ANK3: variants seen among roughly 807,000 people sequenced by gnomAD.
ANK3 encodes the protein ankyrin 3.
ANK3 carries 57 observed loss-of-function variants against 370.9 expected under a neutral mutation model. The observed-to-expected ratio is 0.15, with a 90% CI of 0.12 to 0.19. The LOEUF (loss-of-function observed/expected upper bound fraction) is 0.19, where lower values mean the gene tolerates loss of function less well. Ranked by LOEUF, ANK3 falls within the 10% of genes least tolerant of loss-of-function variation. The pLI, the probability that ANK3 is intolerant of heterozygous loss-of-function variation, is 1.00. For missense variants in ANK3, 4,439 were observed against 5,302.1 expected (o/e 0.84, Z 5.06); for synonymous variants, 1,929 against 1,946.3 (o/e 0.99, Z 0.23).
At chr10:60,594,806 G>A (rs2077964692) in intron 2 of ANK3, among the ~76,000 whole-genome samples, 1 of 151,968 alleles carries the variant, frequency 6.6e-6, no homozygotes, top group South Asian at 2.1e-4. Flanking sequence ...ACTATGATGA[G>A]GTCTTTGAGA....
In ANK3 at chr10:60,070,265, C is replaced by A. The variant is rs1405442377; in HGVS notation, c.10616G>T (p.Gly3539Val). The change falls in exon 37 of 44, where the codon GGT (glycine) becomes GTT (valine). Residue 3539 changes from glycine to valine, a missense_variant. By Grantham distance (109) the Gly-to-Val change is moderately radical. Around this residue, in one of 13 missense-constraint regions of ANK3, gnomAD observed 1,601 missense variants for 1,731.7 expected, o/e 0.92. Transcript: ENST00000280772. The surrounding 1 kb of genome is among the most constrained non-coding windows in gnomAD (Gnocchi z 5.7). ...ATPFKTVATK[G>V]LDFDPWSNNR... is the part of the protein sequence containing the mutation. ...ATTAGACCAAGGGTCAAAATCTAGA[C>A]CTTTGGTAGCTACTGTTTTAAAAGG... is the stretch of plus-strand genomic sequence containing the variant. The A allele has an allele frequency of 1.2e-6, 2 of 1,614,048 alleles. No homozygotes were observed. Among genetic ancestry groups the A allele is most frequent in the South Asian group, 2.2e-5 (2 of 91,072 alleles).
At chr10:60,647,060 T>C (rs1417925408) in intron 1 of ANK3, among the ~76,000 whole-genome samples, 1 of 152,176 alleles carries the variant, frequency 6.6e-6, no homozygotes, top group Non-Finnish European at 1.5e-5. Flanking sequence ...ACAATAACAA[T>C]AACATATTTG....
intron 26 of ANK3, 140 bp from the exon 27 acceptor site, chr10:60,109,194 A>G (rs2092477215): frequency 2.9e-6 from 2 of 685,672 alleles, no homozygotes; most frequent in Non-Finnish European, 4.8e-6. Flanking sequence ...TCAGAAGTCA[A>G]TACAGTGGAG....
chr10:60,069,034 C>A lies in ANK3; in HGVS notation c.11847G>T (p.Lys3949Asn). 1 of 1,614,004 alleles carries A rather than the reference C, an allele frequency of 6.2e-7. No homozygotes were observed. The highest frequency in any genetic ancestry group is 8.5e-7 in the Non-Finnish European group (1 of 1,179,962). ...AGGTGGATCTTACCTTTACTGGCAA[C>A]TTGGATGGAAGCTGTTTGGCCTTGC... is the stretch of plus-strand genomic sequence containing the variant. Reference protein sequence around the residue: ...EKGKAKQLPSKLPVKVRSTCV... With the variant: ...EKGKAKQLPSNLPVKVRSTCV... Residue 3949 changes from lysine (K) to asparagine (N), a missense_variant, in exon 37 of 44, where the codon AAG (lysine) becomes AAT (asparagine). Lys to Asn is a moderately conservative substitution (Grantham distance 94, BLOSUM62 0). Around this residue, in one of 13 missense-constraint regions of ANK3, gnomAD observed 496 missense variants for 529.3 expected, o/e 0.94. Coordinates refer to ENST00000280772, the MANE Select transcript of ANK3 (RefSeq NM_020987.5).
In ANK3 at chr10:60,593,870, G is replaced by A. The variant is rs529044869; in HGVS notation, c.96+21316C>T. Among the ~76,000 whole-genome samples the A allele has an allele frequency of 2.0e-4, 30 of 152,252 alleles. 1 individual carries two copies. In the South Asian group the frequency reaches 6.2e-3, roughly 32 times the overall value. On this transcript the variant is annotated intron_variant, in intron 2 of 43. Coordinates refer to the ANK3 transcript ENST00000373827. ...ATGGGTTTCTGTGAATGAAATGCCT[G>A]TAAGCTTTGACTTAAAAGTGGTTAC... is the stretch of plus-strand genomic sequence containing the variant.
intron 2 of ANK3, among the ~76,000 whole-genome samples, chr10:60,562,406 T>A (rs1331490731): frequency 6.6e-6 from 1 of 150,728 alleles, no homozygotes; most frequent in Non-Finnish European, 1.5e-5. Flanking sequence ...GAGCATTTGT[T>A]TCGGGGGGGG....
intron 2 of ANK3, among the ~76,000 whole-genome samples, chr10:60,489,414 T>G (rs1334807003): frequency 6.6e-6 from 1 of 152,178 alleles, no homozygotes; most frequent in Non-Finnish European, 1.5e-5. Flanking sequence ...GTAGTTTGTT[T>G]TACAAATAAG....
chr10:60,500,753 G>C (rs1339705155), intron 2 of ANK3, among the ~76,000 whole-genome samples: 1 of 152,174 alleles, frequency 6.6e-6, no homozygotes, highest in Non-Finnish European at 1.5e-5. Context: ...TTTATAGCAA[G>C]TACTTCAGGT....
intron 1 of ANK3, among the ~76,000 whole-genome samples, chr10:60,707,103 C>CA (rs1448739986): frequency 1.3e-5 from 2 of 151,610 alleles, no homozygotes; most frequent in African/African-American, 4.8e-5. Context: ...ACTTTTTTGC[C>CA]AAAAAATAAT....
chr10:60,635,360 T>A (rs181841033), intron 1 of ANK3, among the ~76,000 whole-genome samples: 5 of 152,270 alleles, frequency 3.3e-5, no homozygotes, highest in African/African-American at 1.2e-4. Context: ...CCGGCATGAA[T>A]CTTATTAGAA....
At chr10:60,562,784 A>C (rs1439796256) in intron 2 of ANK3, among the ~76,000 whole-genome samples, 1 of 152,190 alleles carries the variant, frequency 6.6e-6, no homozygotes, top group African/African-American at 2.4e-5. Flanking sequence ...ATGCATTAAA[A>C]ACTTAAAAAA....
chr10:60,572,695 C>T (rs1487461816), intron 2 of ANK3: 16 of 1,425,190 alleles, frequency 1.1e-5, no homozygotes, highest in South Asian at 1.1e-4. Context: ...CAGAGAGACG[C>T]GGGCTGCTAA....
chr10:60,477,640 G>A (rs1250237771), intron 2 of ANK3, among the ~76,000 whole-genome samples: 1 of 151,082 alleles, frequency 6.6e-6, no homozygotes, highest in Non-Finnish European at 1.5e-5. Flanking sequence ...AATAATAAAT[G>A]TTAGCTCCAG....
At chr10:60,087,563 A>G (rs2087033655) in intron 29 of ANK3, among the ~76,000 whole-genome samples, 1 of 152,226 alleles carries the variant, frequency 6.6e-6, no homozygotes, top group Admixed American at 6.5e-5. Context: ...CCTCACAAGA[A>G]GAACATGAAC....
chr10:60,565,906 C>T (rs865917893), intron 2 of ANK3, among the ~76,000 whole-genome samples: 1 of 152,158 alleles, frequency 6.6e-6, no homozygotes, highest in African/African-American at 2.4e-5. Flanking sequence ...CATACCAGCA[C>T]GATTCATTTT....
At chr10:60,053,896 A>AT (rs773837259) in intron 42 of ANK3, among the ~76,000 whole-genome samples, 1 of 152,108 alleles carries the variant, frequency 6.6e-6, no homozygotes, top group Admixed American at 6.6e-5. Flanking sequence ...TCCATTATGG[A>AT]TTTTTTAGGT....
chr10:60,162,813 T>C (rs890531996), intron 23 of ANK3, among the ~76,000 whole-genome samples: 6 of 152,184 alleles, frequency 3.9e-5, no homozygotes, highest in Admixed American at 2.0e-4. Flanking sequence ...TCATATTTCA[T>C]AGAGCTGCCT....
intron 2 of ANK3, among the ~76,000 whole-genome samples, chr10:60,554,372 C>T (rs2077160769): frequency 6.6e-6 from 1 of 152,158 alleles, no homozygotes; most frequent in Non-Finnish European, 1.5e-5. Flanking sequence ...CGCAGGTAAG[C>T]ACAGGTGGTC....
chr10:60,309,923 T>TC (rs2132842272), intron 1 of ANK3, among the ~76,000 whole-genome samples: 1 of 103,986 alleles, frequency 9.6e-6, no homozygotes, highest in East Asian at 2.1e-4. Flanking sequence ...TTCTTTTTTC[T>TC]TTTTTTTTTT....
Sources: gnomAD v4.1 joint callset for allele counts (sites outside exome capture counted in the v4.1 genomes callset) on GRCh38, gnomAD v4.1.1 for gene constraint, gnomAD v4.1.1 regional missense constraint, Gnocchi (gnomAD v3.1) non-coding constraint, MANE v1.5 for transcripts, NCBI Gene and HGNC (gene_info 2026-07-23, HGNC 2026-07-21) for gene names.